SMYD3: variants seen among roughly 807,000 people sequenced by gnomAD.
The protein encoded by SMYD3 is SET and MYND domain containing 3.
SMYD3 carries 36 observed loss-of-function variants against 57.7 expected under a neutral mutation model. The observed-to-expected ratio is 0.62, with a 90% CI of 0.48 to 0.82. SMYD3 has a LOEUF of 0.82. Ranked by LOEUF, SMYD3 falls within the 40% of genes least tolerant of loss-of-function variation. The probability of loss-of-function intolerance (pLI) is 0.00; values close to 1 mark genes in which losing one functional copy is unlikely to be tolerated. For synonymous variants in SMYD3, 211 were observed against 195.0 expected, an observed-to-expected ratio of 1.08 and a Z score of -0.68; for missense variants, 515 against 538.8, an observed-to-expected ratio of 0.96 and a Z score of 0.44.
At chr1:246,004,983 C>CTTG (rs1558576056) in intron 5 of SMYD3, among the ~76,000 whole-genome samples, 2 of 152,110 alleles carry the variant, frequency 1.3e-5, no homozygotes, top group Non-Finnish European at 2.9e-5. Flanking sequence ...GTAGCTGGGA[C>CTTG]TACAGGCGTG....
In SMYD3 at chr1:245,772,975, G is replaced by A. The variant is rs117285856; in HGVS notation, c.1077-8826C>T. On this transcript the variant is annotated intron_variant, in intron 10 of 11. Transcript: ENST00000490107. ...TCTGGAAATGTATACAACTCCATAC[G>A]AACACAAACTAGTATTATTAAGTTT... Among the ~76,000 whole-genome samples the A allele has an allele frequency of 5.3e-5, 8 of 150,278 alleles. No individual in the cohort carries two copies. In the East Asian group the frequency reaches 5.9e-4, roughly 11 times the overall value.
chr1:246,025,043 G>A (rs200662320), intron 5 of SMYD3, among the ~76,000 whole-genome samples: 1,513 of 124,876 alleles, frequency 0.012, no homozygotes, highest in East Asian at 0.061. Flanking sequence ...CATCTAGGAA[G>A]AGAGATACAG....
rs557217259 is a variant in SMYD3, at chr1:246,248,904, C to T, written c.531+78297G>A. On this transcript the variant is annotated intron_variant, in intron 5 of 11. Coordinates refer to ENST00000490107, the MANE Select transcript of SMYD3 (RefSeq NM_001167740.2). Reference sequence around the variant, plus strand: ...ATCTCCTGACCTCGTGACCCGCGCGCCTCAGCCTCCCAAAGTGCTGGGATT... The same window carrying T: ...ATCTCCTGACCTCGTGACCCGCGCGTCTCAGCCTCCCAAAGTGCTGGGATT... 1.0e-3 allele frequency among the ~76,000 whole-genome samples: 155 copies of T among 150,342 alleles called. 1 individual carries two copies. The highest frequency in any genetic ancestry group is 6.9e-3 in the Middle Eastern group (2 of 288).
intron 10 of SMYD3, among the ~76,000 whole-genome samples, chr1:245,798,169 A>C (rs1258049953): frequency 1.3e-5 from 2 of 151,872 alleles, no homozygotes; most frequent in African/African-American, 4.8e-5. Context: ...TTCTGCACTG[A>C]GCTGCTGCAG....
intron 5 of SMYD3, among the ~76,000 whole-genome samples, chr1:246,128,397 T>A (rs1467704341): frequency 6.6e-6 from 1 of 152,194 alleles, no homozygotes; most frequent in Non-Finnish European, 1.5e-5. Flanking sequence ...CTGAAAAGTG[T>A]CTGGAACAGG....
intron 4 of SMYD3, among the ~76,000 whole-genome samples, chr1:246,329,196 G>T (rs1334753838): frequency 2.6e-5 from 4 of 152,268 alleles, no homozygotes; most frequent in African/African-American, 9.6e-5. Context: ...AGTCCTTTGG[G>T]TATATACCCA....
chr1:246,171,366 C>T (rs2062329194), intron 5 of SMYD3, among the ~76,000 whole-genome samples: 1 of 152,084 alleles, frequency 6.6e-6, no homozygotes, highest in Non-Finnish European at 1.5e-5. Flanking sequence ...TGCTTTAAAT[C>T]ATAACATTTT....
chr1:246,479,885 C>G (rs2068080322), intron 1 of SMYD3, among the ~76,000 whole-genome samples: 1 of 152,076 alleles, frequency 6.6e-6, no homozygotes, highest in Admixed American at 6.6e-5. Flanking sequence ...CGTAAAGTCT[C>G]ACATTAAATA....
At chr1:245,892,816 A>G (rs558813466) in intron 8 of SMYD3, among the ~76,000 whole-genome samples, 1 of 152,352 alleles carries the variant, frequency 6.6e-6, no homozygotes, top group Admixed American at 6.5e-5. Flanking sequence ...CTCCTCTTGA[A>G]TTAGGTAAAG....
chr1:245,878,556 A>G (rs978855588), intron 8 of SMYD3, among the ~76,000 whole-genome samples: 2 of 152,112 alleles, frequency 1.3e-5, no homozygotes, highest in African/African-American at 4.8e-5. Flanking sequence ...TGTCTGATGG[A>G]CTCTTTTTCC....
At chr1:246,140,639 G>T (rs970865640) in intron 5 of SMYD3, among the ~76,000 whole-genome samples, 4 of 152,122 alleles carry the variant, frequency 2.6e-5, no homozygotes, top group African/African-American at 7.2e-5. Context: ...AGAGATAGGG[G>T]TCTCAATCTG....
Position 246,148,153 on chromosome 1 carries a change from G to C in SMYD3, c.531+179048C>G, listed in dbSNP as rs10924517. Among the ~76,000 whole-genome samples, 240 of 152,240 alleles carry C rather than the reference G, an allele frequency of 1.6e-3. 1 individual carries two copies. The highest frequency in any genetic ancestry group is 5.3e-3 in the African/African-American group (222 of 41,552). On this transcript the variant is annotated intron_variant, in intron 5 of 11. Transcript: ENST00000490107. ...CCGGAGTGGGGACTTGTGGTGCCTC[G>C]TCTGGGTGCACATGGAGGACCATGG... is the stretch of plus-strand genomic sequence containing the variant.
In SMYD3 at chr1:245,911,819, G is replaced by A. The variant is rs531005313; in HGVS notation, c.813+3711C>T. On this transcript the variant is annotated intron_variant, in intron 8 of 11. Coordinates refer to ENST00000490107, the MANE Select transcript of SMYD3 (RefSeq NM_001167740.2). Reference sequence around the variant, plus strand: ...GAGGAGTAAGATCTAGTGTTCAGCTGCACAATAGGGCAACTATAGTTAATA... The same window carrying A: ...GAGGAGTAAGATCTAGTGTTCAGCTACACAATAGGGCAACTATAGTTAATA... Among the ~76,000 whole-genome samples the A allele has an allele frequency of 1.1e-4, 16 of 152,132 alleles. No individual in the cohort carries two copies. The South Asian group carries it at 2.9e-3, about 28-fold the overall frequency.
In SMYD3 at chr1:246,302,778, A is replaced by G. The variant is rs142562424; in HGVS notation, c.531+24423T>C. Among the ~76,000 whole-genome samples the G allele has an allele frequency of 8.5e-5, 13 of 152,280 alleles. No homozygotes were observed. The East Asian group carries it at 2.1e-3, about 25-fold the overall frequency. ...AAAGCTCAATCTAGACTTTACAAGA[A>G]CTGGCAGGAGTTAATAGCAAAAGAA... is the stretch of plus-strand genomic sequence containing the variant. On this transcript the variant is annotated intron_variant, in intron 5 of 11. Coordinates refer to ENST00000490107, the MANE Select transcript of SMYD3 (RefSeq NM_001167740.2).
intron 10 of SMYD3, among the ~76,000 whole-genome samples, chr1:245,846,057 TTTTTC>T (rs762767245): frequency 1.6e-4 from 24 of 152,154 alleles, no homozygotes; most frequent in Non-Finnish European, 2.9e-4. Context: ...GGAATAGAAC[TTTTTC>T]TTTTGTTATA....
At chr1:245,843,200 G>A (rs560958139) in intron 10 of SMYD3, among the ~76,000 whole-genome samples, 2 of 152,260 alleles carry the variant, frequency 1.3e-5, no homozygotes, top group South Asian at 4.1e-4. Flanking sequence ...TGGTAGGGAA[G>A]AAAGCAACAC....
chr1:246,334,200 C>T (rs2065504829), intron 3 of SMYD3, among the ~76,000 whole-genome samples: 1 of 152,130 alleles, frequency 6.6e-6, no homozygotes. Context: ...CCAGCAATCC[C>T]ACTGTTGGGT....
At position 246,245,163 on chromosome 1, in the gene SMYD3, T is replaced by A. The variant is rs550913526; in HGVS notation, c.531+82038A>T. Among the ~76,000 whole-genome samples the A allele has an allele frequency of 8.7e-5, 13 of 149,444 alleles. No homozygotes were observed. In the South Asian group the frequency reaches 2.8e-3, roughly 32 times the overall value. Reference sequence around the variant, plus strand: ...TTTTAGTTTTATTTCCAAGATGAAGTTTAAAAATAAGAATAAAAACTGGCA... The same window carrying A: ...TTTTAGTTTTATTTCCAAGATGAAGATTAAAAATAAGAATAAAAACTGGCA... On this transcript the variant is annotated intron_variant, in intron 5 of 11. Transcript: ENST00000490107.
At chr1:245,759,523 A>G (rs1010348782) in intron 11 of SMYD3, among the ~76,000 whole-genome samples, 11 of 152,178 alleles carry the variant, frequency 7.2e-5, no homozygotes, top group African/African-American at 2.4e-4. Context: ...GACACAACCA[A>G]AGAGGTTAAG....
Sources: allele counts gnomAD v4.1 joint callset (sites outside exome capture counted in the v4.1 genomes callset), GRCh38; gene constraint gnomAD v4.1.1; transcripts MANE v1.5; gene names NCBI Gene and HGNC (gene_info 2026-07-23, HGNC 2026-07-21).